Variants in AFF4 observed in about 807,000 individuals in gnomAD.
AFF4 encodes ALF transcription elongation factor 4, also known as AF4/FMR2 family member 4.
In AFF4, 13 loss-of-function variants were observed where a neutral mutation model predicts 124.8. The ratio of observed to expected loss-of-function variants is 0.10; its 90% CI spans 0.07 to 0.17. The LOEUF is 0.17. Ranked by LOEUF, AFF4 falls within the 10% of genes least tolerant of loss-of-function variation. The pLI is 1.00. For missense variants in AFF4, 1,092 were observed against 1,403.8 expected, an observed-to-expected ratio of 0.78 and a Z score of 3.55; for synonymous variants, 477 against 496.1, an observed-to-expected ratio of 0.96 and a Z score of 0.51.
At chr5:132,902,585 G>A in intron 6 of AFF4, 98 bp from the exon 7 acceptor site, 1 of 961,756 alleles carries the variant, frequency 1.0e-6, no homozygotes, top group South Asian at 1.4e-5. Flanking sequence ...ATCAAACAAT[G>A]AAATATAATT....
At chr5:132,913,597 C>T (rs1760843001) in intron 5 of AFF4, among the ~76,000 whole-genome samples, 1 of 152,118 alleles carries the variant, frequency 6.6e-6, no homozygotes, top group Non-Finnish European at 1.5e-5. Flanking sequence ...GTGCCCACCA[C>T]CGTGCCCGGC....
At chr5:132,913,753 C>A (rs1760847048) in intron 5 of AFF4, among the ~76,000 whole-genome samples, 1 of 152,166 alleles carries the variant, frequency 6.6e-6, no homozygotes, top group Non-Finnish European at 1.5e-5. Context: ...AATACACATT[C>A]TTTTCAAGTG....
chr5:132,905,038 G>A (rs549071027), intron 5 of AFF4, among the ~76,000 whole-genome samples: 1 of 115,040 alleles, frequency 8.7e-6, no homozygotes, highest in East Asian at 2.8e-4. Flanking sequence ...AACAGGGCGA[G>A]ACTCCATCTC....
At position 132,896,388 on chromosome 5, in the gene AFF4, G is replaced by A. The variant is rs749951947; in HGVS notation, c.2242C>T (p.His748Tyr). 6.2e-7 allele frequency: 1 copy of A among 1,613,596 alleles called. No homozygotes were observed. Among genetic ancestry groups the A allele is most frequent in the South Asian group, 1.1e-5 (1 of 90,984 alleles). Reference sequence around the variant, plus strand: ...GCTTGTTTCTGAGCCTCTCTCGTGTGCTTTTCTGGCACATTTTTCTTTTCC... The same window carrying A: ...GCTTGTTTCTGAGCCTCTCTCGTGTACTTTTCTGGCACATTTTTCTTTTCC... ...KGEKKNVPEK[H>Y]TREAQKQASE... The change falls in exon 11 of 21, where the codon CAC becomes TAC. Residue 748 changes from histidine (H) to tyrosine (Y), a missense_variant. This residue lies in a region of AFF4 where 293 missense variants were observed against 280.2 expected (regional missense o/e 1.05). Transcript: ENST00000265343.
intron 12 of AFF4, 114 bp from the exon 13 acceptor site, chr5:132,892,518 C>T: frequency 1.4e-6 from 2 of 1,391,254 alleles, no homozygotes; most frequent in Non-Finnish European, 1.9e-6. Flanking sequence ...CATTTGATTA[C>T]TAGGACACAT....
chr5:132,934,412 G>A lies in AFF4; in HGVS notation c.653C>T (p.Ala218Val). The change falls in exon 3 of 21, where the codon GCA becomes GTA. Residue 218 changes from alanine to valine, a missense_variant. By Grantham distance (64) the Ala-to-Val change is moderately conservative. Coordinates refer to ENST00000265343, the MANE Select transcript of AFF4 (RefSeq NM_014423.4). ...QRSKSPRDPD[A>V]NWDSPSRVPF... ...TACACGGGAAGGAGAATCCCAGTTT[G>A]CATCAGGGTCCCGAGGTGATTTGGA... 1 of 1,614,184 alleles carries A rather than the reference G, an allele frequency of 6.2e-7. No individual in the cohort carries two copies.
intron 1 of AFF4, among the ~76,000 whole-genome samples, chr5:132,951,965 T>G (rs1247830817): frequency 6.6e-6 from 1 of 152,218 alleles, no homozygotes; most frequent in Non-Finnish European, 1.5e-5. Context: ...CATTATGAGG[T>G]TAATCCATTG....
chr5:132,878,659 GA>G lies in AFF4; in HGVS notation c.*2399del. ...TCCATTGCCCATTACTACCTTGTGG[GA>G]AAAATCCTCCACAATGAAAAGGTTG... On this transcript the variant is annotated 3_prime_UTR_variant, in exon 21 of 21. Coordinates refer to ENST00000265343, the MANE Select transcript of AFF4 (RefSeq NM_014423.4). 1 of 227,546 alleles carries G rather than the reference GA, an allele frequency of 4.4e-6. No individual in the cohort carries two copies. Among genetic ancestry groups the G allele is most frequent in the Non-Finnish European group, 8.7e-6 (1 of 114,354 alleles). The allele number at this position is 227,546 out of a possible 1,614,324, so 14.1% of individuals were successfully genotyped here.
chr5:132,963,333 C>G lies in AFF4; in HGVS notation c.-79G>C. 2.5e-6 allele frequency: 1 copy of G among 396,872 alleles called. No individual in the cohort carries two copies. Among genetic ancestry groups the G allele is most frequent in the Admixed American group, 4.4e-5 (1 of 22,664 alleles). 24.6% of individuals were successfully genotyped at this position (396,872 alleles called of 1,614,324 possible). A position where few individuals can be genotyped will look rare whatever the true frequency, so the allele number is the denominator to read the frequency against. On this transcript the variant is annotated 5_prime_UTR_variant, in exon 1 of 21. Coordinates refer to ENST00000265343, the MANE Select transcript of AFF4 (RefSeq NM_014423.4). Reference sequence around the variant, plus strand: ...GGCGGCGCCGGGCCTGCACCTTCACCGGACGCGCATTCGAGCCCGCCCAGG... The same window carrying G: ...GGCGGCGCCGGGCCTGCACCTTCACGGGACGCGCATTCGAGCCCGCCCAGG...
chr5:132,916,811 A>C (rs1264377439), intron 5 of AFF4, among the ~76,000 whole-genome samples: 1 of 152,242 alleles, frequency 6.6e-6, no homozygotes, highest in Non-Finnish European at 1.5e-5. Flanking sequence ...AATTAGAAAA[A>C]ACTTTTAAAA....
intron 5 of AFF4, among the ~76,000 whole-genome samples, chr5:132,916,063 T>G (rs1760901561): frequency 6.6e-6 from 1 of 151,372 alleles, no homozygotes; most frequent in African/African-American, 2.4e-5. Flanking sequence ...TGGGCAACAC[T>G]GGGAAACCCT....
In AFF4 at chr5:132,934,721, G is replaced by C; in HGVS notation, c.344C>G (p.Pro115Arg). 6.2e-7 allele frequency: 1 copy of C among 1,614,080 alleles called. No homozygotes were observed. The highest frequency in any genetic ancestry group is 8.5e-7 in the Non-Finnish European group (1 of 1,180,026). The change falls in exon 3 of 21, where the codon CCC becomes CGC. Residue 115 changes from proline (P) to arginine (R), a missense_variant. Physicochemically the swap from Pro to Arg is moderately radical, Grantham distance 103. This residue lies in a region of AFF4 where 188 missense variants were observed against 203.0 expected (regional missense o/e 0.93). Coordinates refer to ENST00000265343, the MANE Select transcript of AFF4 (RefSeq NM_014423.4). ...CCGTTTCTGAGACTGAGAAGTGCTG[G>C]GTGCGGGTCCTACTGGAGTCCATTT... is the stretch of plus-strand genomic sequence containing the variant. Reference protein sequence around the residue: ...SSKWTPVGPAPSTSQSQKRSS... With the variant: ...SSKWTPVGPARSTSQSQKRSS...
chr5:132,886,618 A>G (rs1434211033), intron 17 of AFF4, among the ~76,000 whole-genome samples: 1 of 152,224 alleles, frequency 6.6e-6, no homozygotes, highest in Non-Finnish European at 1.5e-5. Flanking sequence ...GGCTCTCATT[A>G]TTTGCTGACA....
At position 132,950,131 on chromosome 5, in the gene AFF4, A is replaced by C. The variant is rs191564955; in HGVS notation, c.-4-12938T>G. On this transcript the variant is annotated intron_variant, in intron 1 of 20. Transcript: ENST00000265343. The stretch of plus-strand genomic sequence containing the variant: ...CCGATCACGAGGTCAGGAGTTCAAG[A>C]CCAGCCTGGCCAACATGGTGAAACC... Among the ~76,000 whole-genome samples the C allele has an allele frequency of 3.8e-3, 572 of 151,916 alleles. 2 individuals are homozygous for C. The highest frequency in any genetic ancestry group is 6.0e-3 in the South Asian group (29 of 4,808).
intron 11 of AFF4, among the ~76,000 whole-genome samples, chr5:132,895,378 G>C (rs559408592): frequency 2.6e-5 from 4 of 152,178 alleles, no homozygotes; most frequent in South Asian, 2.1e-4. Context: ...GAAAAGGAGA[G>C]AGGAAAATAT....
chr5:132,891,830 C>G, intron 13 of AFF4: 13 of 277,358 alleles, frequency 4.7e-5, no homozygotes, highest in South Asian at 1.7e-4. Flanking sequence ...TTTTAAAGTT[C>G]TTTTACAGAC....
chr5:132,960,321 TAAAA>T (rs932201332), intron 1 of AFF4, among the ~76,000 whole-genome samples: 45 of 151,836 alleles, frequency 3.0e-4, no homozygotes, highest in African/African-American at 1.0e-3. Context: ...AAAGCTAAAG[TAAAA>T]AAAAATCTAA....
At chr5:132,963,181 G>GCCCCCA (rs1762120517) in intron 1 of AFF4, 78 bp downstream of exon 1, 2 of 381,448 alleles carry the variant, frequency 5.2e-6, no homozygotes, top group East Asian at 7.5e-5. Flanking sequence ...GAACTTGCGG[G>GCCCCCA]CCCCCACCCC....
At position 132,883,594 on chromosome 5, in the gene AFF4, G is replaced by A. The variant is rs780113675; in HGVS notation, c.3144-34C>T. On this transcript the variant is annotated intron_variant, in intron 19 of 20. Coordinates refer to ENST00000265343, the MANE Select transcript of AFF4 (RefSeq NM_014423.4). ...CAGAAATAGGAAGCTTGTTCATATGGACATGGTAAGCATTATAAAATCAAG... is the reference window on the plus strand; with the variant it reads ...CAGAAATAGGAAGCTTGTTCATATGAACATGGTAAGCATTATAAAATCAAG... The A allele has an allele frequency of 1.1e-5, 18 of 1,583,822 alleles. No homozygotes were observed. In the African/African-American group the frequency reaches 2.3e-4, roughly 20 times the overall value.
Sources: gnomAD v4.1 joint callset for allele counts (sites outside exome capture counted in the v4.1 genomes callset) on GRCh38, gnomAD v4.1.1 for gene constraint, gnomAD v4.1.1 regional missense constraint, MANE v1.5 for transcripts, NCBI Gene and HGNC (gene_info 2026-07-23, HGNC 2026-07-21) for gene names.